Variants in UBN1 observed in about 807,000 individuals in gnomAD.
UBN1 encodes the protein ubinuclein 1.
In UBN1, 17 loss-of-function variants were observed where a neutral mutation model predicts 108.5. The ratio of observed to expected loss-of-function variants is 0.16; its 90% confidence interval spans 0.11 to 0.24. The LOEUF (loss-of-function observed/expected upper bound fraction) is 0.24, where lower values mean the gene tolerates loss of function less well. Among genes scored for constraint, UBN1 ranks in the 10% least tolerant of loss-of-function variants. The pLI, the probability that UBN1 is intolerant of heterozygous loss-of-function variation, is 1.00. For missense variants in UBN1, 1,595 were observed against 1,394.4 expected (o/e 1.14, Z -2.29); for synonymous variants, 726 against 564.2 (o/e 1.29, Z -4.07).
intron 2 of UBN1, among the ~76,000 whole-genome samples, chr16:4,856,829 C>T (rs2086833362): frequency 1.3e-5 from 2 of 152,182 alleles, no homozygotes. Flanking sequence ...AAAGACTCCC[C>T]ATTTGAGGTA....
intron 9 of UBN1, 78 bp downstream of exon 9, chr16:4,870,419 C>G (rs2087569476): frequency 6.2e-7 from 1 of 1,609,042 alleles, no homozygotes. Context: ...AATGATGCGT[C>G]TGCTGCCCCA....
At chr16:4,861,124 G>A in intron 7 of UBN1, 22 bp downstream of exon 7, 1 of 1,593,784 alleles carries the variant, frequency 6.3e-7, no homozygotes, top group Non-Finnish European at 8.5e-7. Flanking sequence ...CAGTGCGGCT[G>A]GGCTTTCCTG....
In UBN1 at chr16:4,865,986, T is replaced by C. The variant is rs180772158; in HGVS notation, c.1111-2847T>C. ...CAAAAACTAAACTAAAATAAAAAAATAAAAAATAATAAGATAAAATTTGAT... is the reference window on the plus strand; with the variant it reads ...CAAAAACTAAACTAAAATAAAAAAACAAAAAATAATAAGATAAAATTTGAT... On this transcript the variant is annotated intron_variant, in intron 7 of 17. Coordinates refer to ENST00000262376, the MANE Select transcript of UBN1 (RefSeq NM_001079514.3). 1.4e-3 allele frequency among the ~76,000 whole-genome samples: 212 copies of C among 152,070 alleles called. 1 individual carries two copies. Among genetic ancestry groups the C allele is most frequent in the Non-Finnish European group, 2.5e-3 (168 of 67,960 alleles).
Position 4,859,897 on chromosome 16 carries a change from A to G in UBN1, c.600A>G (p.Ile200Met), listed in dbSNP as rs768680018. Residue 200 changes from isoleucine (I) to methionine (M), a missense_variant, in exon 6 of 18, where the codon ATA becomes ATG. Physicochemically the swap from Ile to Met is conservative, Grantham distance 10. This residue lies in a region of UBN1 where 1,398 missense variants were observed against 1,194.7 expected (regional missense o/e 1.17). Transcript: ENST00000262376. The part of the protein sequence containing the change: ...KRKLKEGGEK[I>M]KKKKKDDTYD... ...AGTTGAAGGAAGGTGGTGAGAAGAT[A>G]AAGAAGAAGAAAAAAGATGACACTT... 1.1e-5 allele frequency: 17 copies of G among 1,614,036 alleles called. No individual in the cohort carries two copies. The East Asian group carries it at 2.2e-4, about 21-fold the overall frequency.
In UBN1 at chr16:4,881,804, C is replaced by T. The variant is rs14584; in HGVS notation, c.*1672C>T. 2 of 152,250 alleles carry T rather than the reference C, an allele frequency of 1.3e-5. No individual in the cohort carries two copies. Among genetic ancestry groups the T allele is most frequent in the Non-Finnish European group, 2.9e-5 (2 of 68,016 alleles). The allele number at this position is 152,250 out of a possible 1,614,324, so 9.4% of individuals were successfully genotyped here. ...TTTACAGAGTAGTCTTAGGTAGTAG[C>T]AAAAGAGCCAAAGAAGAGATTTGTA... On this transcript the variant is annotated 3_prime_UTR_variant, in exon 18 of 18. Coordinates refer to ENST00000262376, the MANE Select transcript of UBN1 (RefSeq NM_001079514.3).
At chr16:4,870,411 T>G (rs7200395) in intron 9 of UBN1, 70 bp downstream of exon 9, 45 of 1,607,914 alleles carry the variant, frequency 2.8e-5, no homozygotes, top group Non-Finnish European at 3.7e-5. Flanking sequence ...TCTTAAGCAA[T>G]GATGCGTCTG....
rs116264013 is a variant in UBN1 at position 4,863,581 on chromosome 16, G to A, written c.1110+2479G>A. 6.1e-3 allele frequency among the ~76,000 whole-genome samples: 923 copies of A among 152,054 alleles called. 3 individuals are homozygous for A. Among genetic ancestry groups the A allele is most frequent in the African/African-American group, 0.012 (508 of 41,476 alleles). On this transcript the variant is annotated intron_variant, in intron 7 of 17. Transcript: ENST00000262376. ...GTAACTGGGACATTAGCAGTGTTAC[G>A]TGTTTCTCACTTTATTTTTTATACC... is the stretch of plus-strand genomic sequence containing the variant.
At chr16:4,868,703 T>G in intron 7 of UBN1, 130 bp from the exon 8 acceptor site, 1 of 764,462 alleles carries the variant, frequency 1.3e-6, no homozygotes. Flanking sequence ...TAGGGTGGAG[T>G]TGGAAAGGTG....
At chr16:4,876,365 G>A (rs562975108) in intron 15 of UBN1, among the ~76,000 whole-genome samples, 2 of 152,108 alleles carry the variant, frequency 1.3e-5, no homozygotes, top group African/African-American at 4.8e-5. Context: ...AGGTAACTAA[G>A]CTCTTTAGTT....
intron 7 of UBN1, among the ~76,000 whole-genome samples, chr16:4,865,265 G>A (rs1463550783): frequency 6.6e-6 from 1 of 152,150 alleles, no homozygotes. Flanking sequence ...TATTGTCTAT[G>A]CAATTCAAAA....
At chr16:4,863,716 A>G (rs1305545714) in intron 7 of UBN1, among the ~76,000 whole-genome samples, 1 of 152,090 alleles carries the variant, frequency 6.6e-6, no homozygotes, top group Non-Finnish European at 1.5e-5. Context: ...ACACCCCCCA[A>G]AATTTGCCTT....
intron 1 of UBN1, among the ~76,000 whole-genome samples, chr16:4,849,448 A>C (rs1372053748): frequency 6.6e-6 from 1 of 152,092 alleles, no homozygotes; most frequent in African/African-American, 2.4e-5. Flanking sequence ...ATCAATAACC[A>C]GTTTGAAAAT....
chr16:4,858,490 A>G (rs1332909614), intron 3 of UBN1, 78 bp from the exon 4 acceptor site: 4 of 1,312,434 alleles, frequency 3.0e-6, no homozygotes, highest in Non-Finnish European at 4.4e-6. Context: ...TTTGAGTCAT[A>G]GCTGATGAAG....
rs145629535 is a variant in UBN1 at position 4,856,947 on chromosome 16, G to T, written c.250-1043G>T. 3.3e-5 allele frequency among the ~76,000 whole-genome samples: 5 copies of T among 152,298 alleles called. No individual in the cohort carries two copies. In the East Asian group the frequency reaches 9.6e-4, roughly 29 times the overall value. ...TCAGTAGGCAGAGATGGGAGGGTGA[G>T]ATAAGAAAGTTTGTTTGAAACAGGC... On this transcript the variant is annotated intron_variant, in intron 2 of 17. Transcript: ENST00000262376.
chr16:4,872,555 G>A (rs1596519813), intron 12 of UBN1, among the ~76,000 whole-genome samples: 1 of 152,114 alleles, frequency 6.6e-6, no homozygotes, highest in South Asian at 2.1e-4. Context: ...TGCAACCTCC[G>A]CCTCCCCGGT....
Position 4,880,144 on chromosome 16 carries a change from GCAAGGC to G in UBN1, c.*13_*18del. 6.2e-7 allele frequency: 1 copy of G among 1,613,946 alleles called. No individual in the cohort carries two copies. Among genetic ancestry groups the G allele is most frequent in the African/African-American group, 1.3e-5 (1 of 74,994 alleles). ...CACGGAAATTGTGACCGCTTCAGAG[GCAAGGC>G]TTGCCACTTGGGTCTGGGTGGAATC... On this transcript the variant is annotated 3_prime_UTR_variant, in exon 18 of 18. Coordinates refer to ENST00000262376, the MANE Select transcript of UBN1 (RefSeq NM_001079514.3).
intron 2 of UBN1, among the ~76,000 whole-genome samples, chr16:4,853,583 A>G (rs1342367088): frequency 1.4e-5 from 2 of 147,976 alleles, no homozygotes; most frequent in Admixed American, 1.4e-4. Context: ...TTCGAGACCG[A>G]GTCTCGCCCT....
At chr16:4,876,108 G>A (rs1596528659) in intron 15 of UBN1, among the ~76,000 whole-genome samples, 1 of 151,980 alleles carries the variant, frequency 6.6e-6, no homozygotes, top group Non-Finnish European at 1.5e-5. Context: ...ACAGGCGTCC[G>A]CCACCACGCC....
chr16:4,878,936 G>A (rs139263181), intron 17 of UBN1, among the ~76,000 whole-genome samples: 12 of 152,304 alleles, frequency 7.9e-5, no homozygotes, highest in African/African-American at 2.6e-4. Flanking sequence ...CACTTGAGCC[G>A]AGGAGGTCGA....
Sources: allele counts gnomAD v4.1 joint callset (sites outside exome capture counted in the v4.1 genomes callset), GRCh38; gene constraint gnomAD v4.1.1; regional missense constraint gnomAD v4.1.1; transcripts MANE v1.5; gene names NCBI Gene and HGNC (gene_info 2026-07-23, HGNC 2026-07-21).